The following IFT43 variants were observed in gnomAD, a reference collection of about 807,000 sequenced individuals.
IFT43 encodes intraflagellar transport protein 43 homolog.
Under a neutral mutation model 32.3 loss-of-function variants are expected in IFT43, and 33 were observed. That is an observed-to-expected ratio of 1.02 (90% CI 0.77 to 1.37). The LOEUF is 1.37. Ranked by LOEUF, IFT43 falls within the 40% of genes most tolerant of loss-of-function variation. The probability of loss-of-function intolerance (pLI) is 0.00; values close to 1 mark genes in which losing one functional copy is unlikely to be tolerated. For missense variants in IFT43, 274 were observed against 265.9 expected (o/e 1.03, Z -0.21); for synonymous variants, 93 against 98.2 (o/e 0.95, Z 0.31).
At chr14:76,067,766 G>A (rs1354914458) in intron 5 of IFT43, among the ~76,000 whole-genome samples, 2 of 152,162 alleles carry the variant, frequency 1.3e-5, no homozygotes, top group South Asian at 2.1e-4. Context: ...GGCAGATGAC[G>A]TAAACCCGTG....
chr14:75,999,253 A>T (rs1277958745), intron 2 of IFT43, among the ~76,000 whole-genome samples: 68 of 10,534 alleles, frequency 6.5e-3, no homozygotes, highest in East Asian at 0.011. Flanking sequence ...ATATATATAT[A>T]TATATATATA....
At chr14:76,070,297 T>C (rs1383314153) in intron 5 of IFT43, among the ~76,000 whole-genome samples, 1 of 152,198 alleles carries the variant, frequency 6.6e-6, no homozygotes, top group African/African-American at 2.4e-5. Flanking sequence ...TCTCTCTAGA[T>C]TTTTTTGCTT....
chr14:76,011,858 G>T (rs954470692), intron 2 of IFT43, among the ~76,000 whole-genome samples: 2 of 152,182 alleles, frequency 1.3e-5, no homozygotes, highest in South Asian at 2.1e-4. Flanking sequence ...GGAACTGTGC[G>T]TGGAGGACAG....
intron 2 of IFT43, among the ~76,000 whole-genome samples, chr14:75,991,390 T>TGTGTGTGTGTATATTAACAAGA (rs1343687950): frequency 0.11 from 2,133 of 19,948 alleles, 46 homozygotes; most frequent in African/African-American, 0.33. Flanking sequence ...TTAACAAGAG[T>TGTGTGTGTGTATATTAACAAGA]GTGTGTGTGT....
At chr14:75,994,182 G>A (rs8007476) in intron 2 of IFT43, among the ~76,000 whole-genome samples, 128,804 of 151,820 alleles carry the variant, frequency 0.85, 54,811 homozygotes, top group African/African-American at 0.89. Context: ...TCCAGTTTTT[G>A]TTTTGGAGTT....
chr14:75,993,003 T>C (rs2035672535), intron 2 of IFT43, among the ~76,000 whole-genome samples: 1 of 152,188 alleles, frequency 6.6e-6, no homozygotes, highest in South Asian at 2.1e-4. Flanking sequence ...TTTCCTATTA[T>C]TCCTGTTTTG....
At chr14:76,034,256 T>C (rs1215075607) in intron 3 of IFT43, among the ~76,000 whole-genome samples, 1 of 152,198 alleles carries the variant, frequency 6.6e-6, no homozygotes, top group Non-Finnish European at 1.5e-5. Context: ...GTTGGGTTCT[T>C]GGTGAGGACC....
In IFT43 at chr14:76,050,943, C is replaced by T. The variant is rs564582776; in HGVS notation, c.216-7699C>T. Among the ~76,000 whole-genome samples, 265 of 152,084 alleles carry T rather than the reference C, an allele frequency of 1.7e-3. 7 individuals are homozygous for T. Among genetic ancestry groups the T allele is most frequent in the Non-Finnish European group, 1.6e-3 (110 of 67,988 alleles). ...CTGTGTATTTCAACCTTTTTTCACA[C>T]ATTTAGTTTGAAGCAAAACAAAGCT... On this transcript the variant is annotated intron_variant, in intron 3 of 8. Coordinates refer to ENST00000314067, the MANE Select transcript of IFT43 (RefSeq NM_001102564.3).
chr14:76,069,860 G>A (rs1314391618), intron 5 of IFT43, among the ~76,000 whole-genome samples: 1 of 152,020 alleles, frequency 6.6e-6, no homozygotes, highest in Non-Finnish European at 1.5e-5. Context: ...ACCTGGGCAT[G>A]CCTCACCCCC....
At chr14:76,021,275 G>A (rs78744391) in intron 2 of IFT43, among the ~76,000 whole-genome samples, 1 of 152,286 alleles carries the variant, frequency 6.6e-6, no homozygotes, top group East Asian at 1.9e-4. Flanking sequence ...GCAGGGGTTG[G>A]TGTAGGCCTC....
chr14:76,068,475 A>G (rs1208083613), intron 5 of IFT43, among the ~76,000 whole-genome samples: 3 of 152,234 alleles, frequency 2.0e-5, no homozygotes, highest in Non-Finnish European at 4.4e-5. Context: ...ACCCACAACT[A>G]TAGCTGACAC....
chr14:76,062,095 G>C (rs1480995357), intron 5 of IFT43, among the ~76,000 whole-genome samples: 1 of 148,878 alleles, frequency 6.7e-6, no homozygotes, highest in African/African-American at 2.5e-5. Flanking sequence ...TTTTTAAACA[G>C]AGTCTCACTC....
intron 3 of IFT43, among the ~76,000 whole-genome samples, chr14:76,034,730 G>C (rs570506337): frequency 6.6e-6 from 1 of 152,292 alleles, no homozygotes; most frequent in South Asian, 2.1e-4. Context: ...AGATATGTTG[G>C]GTGCCAGGGC....
intron 5 of IFT43, among the ~76,000 whole-genome samples, chr14:76,072,886 G>A (rs1369458529): frequency 6.6e-6 from 1 of 152,206 alleles, no homozygotes; most frequent in African/African-American, 2.4e-5. Flanking sequence ...TGTCCCACAT[G>A]TGACTGTACA....
intron 2 of IFT43, among the ~76,000 whole-genome samples, chr14:76,018,451 T>G (rs1046704033): frequency 2.6e-5 from 4 of 152,180 alleles, no homozygotes; most frequent in African/African-American, 7.2e-5. Context: ...TTCTTGACAT[T>G]TGTTTTGTGG....
At chr14:76,057,124 G>A (rs1233797984) in intron 3 of IFT43, among the ~76,000 whole-genome samples, 5 of 152,112 alleles carry the variant, frequency 3.3e-5, no homozygotes, top group Admixed American at 6.5e-5. Context: ...CACTTCAGCC[G>A]TCATTCTTCC....
intron 1 of IFT43, among the ~76,000 whole-genome samples, chr14:75,986,483 T>C (rs1480561850): frequency 6.6e-6 from 1 of 152,052 alleles, no homozygotes; most frequent in Admixed American, 6.5e-5. Flanking sequence ...GATTTAACCT[T>C]TCCGAGCCTT....
rs1258915018 is a variant in IFT43 at position 76,027,838 on chromosome 14, G to C, written c.215+5444G>C. Among the ~76,000 whole-genome samples the C allele has an allele frequency of 4.0e-5, 6 of 150,938 alleles. No individual in the cohort carries two copies. The South Asian group carries it at 1.1e-3, about 27-fold the overall frequency. ...AGTTTATATTTGAATATTCCCCTTT[G>C]TTGTTCCCCCAGATGTCTTTTATAA... On this transcript the variant is annotated intron_variant, in intron 3 of 8. Coordinates refer to ENST00000314067, the MANE Select transcript of IFT43 (RefSeq NM_001102564.3).
At chr14:76,003,758 C>T (rs2035932649) in intron 2 of IFT43, among the ~76,000 whole-genome samples, 1 of 151,996 alleles carries the variant, frequency 6.6e-6, no homozygotes, top group Non-Finnish European at 1.5e-5. Flanking sequence ...AAGAACTTTG[C>T]AATACAGTTT....
Sources: allele counts gnomAD v4.1 joint callset (sites outside exome capture counted in the v4.1 genomes callset), GRCh38; gene constraint gnomAD v4.1.1; transcripts MANE v1.5; gene names NCBI Gene and HGNC (gene_info 2026-07-23, HGNC 2026-07-21).